AASS: variants seen among roughly 807,000 people sequenced by gnomAD.
AASS encodes aminoadipate-semialdehyde synthase, also known as alpha-aminoadipic semialdehyde synthase, mitochondrial.
AASS carries 86 observed loss-of-function variants against 105.4 expected under a neutral mutation model. That is an observed-to-expected ratio of 0.82 (90% CI 0.69 to 0.98). The LOEUF (loss-of-function observed/expected upper bound fraction) is 0.98, where lower values mean the gene tolerates loss of function less well. Among genes scored for constraint, AASS ranks in the 50% least tolerant of loss-of-function variants. AASS has a pLI of 0.00. For synonymous variants in AASS, 381 were observed against 394.8 expected (o/e 0.96, Z 0.41); for missense variants, 1,048 against 1,143.2 (o/e 0.92, Z 1.20).
At position 122,073,912 on chromosome 7, in the gene AASS, ATC is replaced by A. The variant is rs1441170771; in HGVS notation, c.*2575_*2576del. The stretch of plus-strand genomic sequence containing the variant: ...ATGTTGTGGTGCATATCAGTACTTC[ATC>A]TCTTTTTTTATTGCTGAATAATATT... On this transcript the variant is annotated 3_prime_UTR_variant, in exon 24 of 24. Coordinates refer to ENST00000417368, the MANE Select transcript of AASS (RefSeq NM_005763.4). Among the ~76,000 whole-genome samples, 2 of 151,968 alleles carry A rather than the reference ATC, an allele frequency of 1.3e-5. No homozygotes were observed. The highest frequency in any genetic ancestry group is 2.9e-5 in the Non-Finnish European group (2 of 68,006).
At position 122,077,960 on chromosome 7, in the gene AASS, G is replaced by A. The variant is rs2150506235; in HGVS notation, c.2540C>T (p.Pro847Leu). 6.2e-7 allele frequency: 1 copy of A among 1,614,120 alleles called. No individual in the cohort carries two copies. The highest frequency in any genetic ancestry group is 1.1e-5 in the South Asian group (1 of 91,080). ...CGTTTTATGTTCTAAATGTCCAGAA[G>A]GATGTCTGATTCCAAAGCTGTCTCT... is the stretch of plus-strand genomic sequence containing the variant. Reference protein sequence around the residue: ...VMRDSFGIRHPSGHLEHKTID... With the variant: ...VMRDSFGIRHLSGHLEHKTID... Residue 847 changes from proline (P) to leucine (L), a missense_variant, in exon 23 of 24, where the codon CCT becomes CTT. Transcript: ENST00000417368.
chr7:122,133,325 G>A (rs41281710), intron 2 of AASS, among the ~76,000 whole-genome samples, 192 bp downstream of exon 2: 3,041 of 152,190 alleles, frequency 0.02, 42 homozygotes, highest in Non-Finnish European at 0.032. Flanking sequence ...GAGAATGATT[G>A]AAAAATAACA....
chr7:122,116,637 G>A lies in AASS; in HGVS notation c.890C>T (p.Thr297Ile). ...AAAGGTGAATATGATACTCACATCA[G>A]TATTAAAACGACTTATGTAGCGCTC... ...HPERYISRFN[T>I]DIAPYTTCLI... The change falls in exon 8 of 24, where the codon ACT (threonine) becomes ATT (isoleucine). Residue 297 changes from threonine (T) to isoleucine (I), a missense_variant. Transcript: ENST00000417368. The A allele has an allele frequency of 6.2e-7, 1 of 1,613,932 alleles. No homozygotes were observed. Among genetic ancestry groups the A allele is most frequent in the Non-Finnish European group, 8.5e-7 (1 of 1,179,942 alleles).
At chr7:122,088,177 G>T (rs921976048) in intron 18 of AASS, among the ~76,000 whole-genome samples, 1 of 152,038 alleles carries the variant, frequency 6.6e-6, no homozygotes, top group Non-Finnish European at 1.5e-5. Context: ...ATTCACTGCT[G>T]TTGCAAGCTT....
At chr7:122,085,739 G>A (rs142960871) in intron 19 of AASS, among the ~76,000 whole-genome samples, 1 of 152,246 alleles carries the variant, frequency 6.6e-6, no homozygotes, top group Non-Finnish European at 1.5e-5. Flanking sequence ...GAGCTGAGAC[G>A]TTACGAGAAG....
chr7:122,100,703 G>C (rs1027962432), intron 13 of AASS, among the ~76,000 whole-genome samples: 10 of 151,828 alleles, frequency 6.6e-5, no homozygotes, highest in Admixed American at 4.6e-4. Context: ...CAATTGGCTG[G>C]AGGAGACCAG....
At chr7:122,138,627 T>C (rs1796257260) in intron 1 of AASS, among the ~76,000 whole-genome samples, 1 of 151,872 alleles carries the variant, frequency 6.6e-6, no homozygotes, top group Non-Finnish European at 1.5e-5. Context: ...ATAGTGAAGG[T>C]TGCCCAGTAG....
intron 18 of AASS, among the ~76,000 whole-genome samples, chr7:122,091,151 T>C (rs940017203): frequency 2.0e-5 from 3 of 152,216 alleles, no homozygotes; most frequent in African/African-American, 7.2e-5. Context: ...ACCTTGGACA[T>C]GCTCTCTGAG....
chr7:122,079,534 G>A lies in AASS; in HGVS notation c.2396+63C>T, dbSNP rs186607980. The A allele has an allele frequency of 5.8e-4, 784 of 1,352,020 alleles. 6 individuals carry two copies. In the East Asian group the frequency reaches 0.017, roughly 29 times the overall value. The allele number at this position is 1,352,020 out of a possible 1,614,324, so 83.8% of individuals were successfully genotyped here. A position where few individuals can be genotyped will look rare whatever the true frequency, so the allele number is the denominator to read the frequency against. On this transcript the variant is annotated intron_variant, in intron 21 of 23. Coordinates refer to ENST00000417368, the MANE Select transcript of AASS (RefSeq NM_005763.4). ...AAATGTAAAATATTTAACTTTTTCT[G>A]AGTAGAAATTAGCAATCATTGATCC...
chr7:122,143,889 G>A (rs1796513681), intron 1 of AASS, among the ~76,000 whole-genome samples: 1 of 152,204 alleles, frequency 6.6e-6, no homozygotes, highest in African/African-American at 2.4e-5. Context: ...AAATGCTGGA[G>A]CTGCGCTGAC....
rs998708269 is a variant in AASS at position 122,101,346 on chromosome 7, A to G, written c.1406+25T>C. The G allele has an allele frequency of 1.9e-6, 3 of 1,552,870 alleles. No individual in the cohort carries two copies. The Admixed American group carries it at 5.0e-5, about 26-fold the overall frequency. On this transcript the variant is annotated intron_variant, in intron 13 of 23. Transcript: ENST00000417368. ...TCCAAGATAAGAATAAATGTATAAA[A>G]CAAGAGGATTTGAACAATACTTACC...
chr7:122,098,499 GT>G lies in AASS; in HGVS notation c.1605del (p.Lys535AsnfsTer49). The G allele has an allele frequency of 6.2e-7, 1 of 1,611,814 alleles. No individual in the cohort carries two copies. The highest frequency in any genetic ancestry group is 2.2e-5 in the East Asian group (1 of 44,790). ...NINPVSMDIC[K>X]QEEKLGFLVA... ...ACCAAGAAGCCCAGCTTCTCTTCTT[GT>G]TTACAAATGTCCATGCTAACAGGAT... On this transcript the variant is annotated frameshift_variant, in exon 15 of 24. Transcript: ENST00000417368. LOFTEE classifies it high-confidence loss of function.
Position 122,101,678 on chromosome 7 carries a change from T to C in AASS, c.1281A>G (p.Ile427Met). The change falls in exon 12 of 24, where the codon ATA (isoleucine) becomes ATG (methionine). Residue 427 changes from isoleucine (I) to methionine (M), a missense_variant and splice_region_variant. Physicochemically the swap from Ile to Met is conservative, Grantham distance 10 (BLOSUM62 1). Coordinates refer to ENST00000417368, the MANE Select transcript of AASS (RefSeq NM_005763.4). ...DMLYPYVEEM[I>M]LSDATQPLES... is the part of the protein sequence containing the mutation. ...CAAGAGGCTGTGTCGCGTCTGATAATATCTGAAAGGAAAATGAGATTTGTA... is the reference window on the plus strand; with the variant it reads ...CAAGAGGCTGTGTCGCGTCTGATAACATCTGAAAGGAAAATGAGATTTGTA... 1 of 1,610,464 alleles carries C rather than the reference T, an allele frequency of 6.2e-7. No individual in the cohort carries two copies. The highest frequency in any genetic ancestry group is 1.1e-5 in the South Asian group (1 of 90,984).
intron 3 of AASS, 47 bp downstream of exon 3, chr7:122,129,314 A>T (rs755045250): frequency 7.7e-7 from 1 of 1,299,936 alleles, no homozygotes; most frequent in African/African-American, 1.5e-5. Context: ...AAAGTAAAAA[A>T]TATTATTTTT....
intron 2 of AASS, among the ~76,000 whole-genome samples, chr7:122,130,220 A>C (rs1178830179): frequency 6.6e-6 from 1 of 152,114 alleles, no homozygotes; most frequent in Non-Finnish European, 1.5e-5. Flanking sequence ...AGGATACCAA[A>C]GAAATATGAG....
At chr7:122,143,957 C>T (rs2150563110) in intron 1 of AASS, among the ~76,000 whole-genome samples, 1 of 152,338 alleles carries the variant, frequency 6.6e-6, no homozygotes, top group South Asian at 2.1e-4. Context: ...CCCTCCATTC[C>T]TCGCAGGGAG....
In AASS at chr7:122,116,934, C is replaced by T. The variant is rs367559748; in HGVS notation, c.711G>A (p.Glu237=). The change falls in exon 7 of 24, where the codon GAG becomes GAA. Residue 237 remains glutamate, a synonymous_variant. Coordinates refer to ENST00000417368, the MANE Select transcript of AASS (RefSeq NM_005763.4). Reference sequence around the variant, plus strand: ...GGGGCTCCACATATTCACAAGGTAGCTCATTAAAGATTGCTTGGGCTCCCT... The same window carrying T: ...GGGGCTCCACATATTCACAAGGTAGTTCATTAAAGATTGCTTGGGCTCCCT... ...VSKGAQAIFN[E]LPCEYVEPHE... 34 of 1,613,772 alleles carry T rather than the reference C, an allele frequency of 2.1e-5. No homozygotes were observed. In the African/African-American group the frequency reaches 2.7e-4, roughly 13 times the overall value.
At position 122,073,596 on chromosome 7, in the gene AASS, A is replaced by C. The variant is rs1416010047; in HGVS notation, c.*2893T>G. Among the ~76,000 whole-genome samples the C allele has an allele frequency of 1.3e-5, 2 of 152,198 alleles. No homozygotes were observed. The highest frequency in any genetic ancestry group is 2.9e-5 in the Non-Finnish European group (2 of 68,026). ...CAACTTGAGATAAAATCTACATACCACACAGTTCAAACATTCAAAGTATAC... is the reference window on the plus strand; with the variant it reads ...CAACTTGAGATAAAATCTACATACCCCACAGTTCAAACATTCAAAGTATAC... On this transcript the variant is annotated 3_prime_UTR_variant, in exon 24 of 24. Coordinates refer to ENST00000417368, the MANE Select transcript of AASS (RefSeq NM_005763.4).
chr7:122,076,623 T>A lies in AASS; in HGVS notation c.2663-16A>T. On this transcript the variant is annotated splice_polypyrimidine_tract_variant and intron_variant, in intron 23 of 23. Transcript: ENST00000417368. ...CCAATTTCACCTGGAAGAAAATAAA[T>A]GTGTAATTACCATTTCAAAGGTTGT... 6.6e-7 allele frequency: 1 copy of A among 1,525,514 alleles called. No individual in the cohort carries two copies. The highest frequency in any genetic ancestry group is 9.1e-7 in the Non-Finnish European group (1 of 1,099,492). 94.5% of individuals were successfully genotyped at this position (1,525,514 alleles called of 1,614,324 possible).
Sources: allele counts gnomAD v4.1 joint callset (sites outside exome capture counted in the v4.1 genomes callset), GRCh38; gene constraint gnomAD v4.1.1; transcripts MANE v1.5; gene names NCBI Gene and HGNC (gene_info 2026-07-23, HGNC 2026-07-21).